Variants in SLC39A12 observed in about 807,000 individuals in gnomAD.
SLC39A12 encodes the protein zinc transporter ZIP12.
In SLC39A12, 63 loss-of-function variants were observed where a neutral mutation model predicts 71.1. The ratio of observed to expected loss-of-function variants is 0.89; its 90% CI spans 0.72 to 1.09. The LOEUF is 1.09. Ranked by LOEUF, SLC39A12 falls within the 50% of genes least tolerant of loss-of-function variation. SLC39A12 has a pLI of 0.00. For synonymous variants in SLC39A12, 351 were observed against 301.3 expected, an observed-to-expected ratio of 1.16 and a Z score of -1.71; for missense variants, 892 against 812.6, an observed-to-expected ratio of 1.10 and a Z score of -1.19.
intron 10 of SLC39A12, 42 bp downstream of exon 10, chr10:17,995,764 A>C: frequency 6.6e-7 from 1 of 1,526,144 alleles, no homozygotes; most frequent in Non-Finnish European, 9.0e-7. Flanking sequence ...AGTGCCATAG[A>C]AAAACAGTTA....
At chr10:18,036,792 ATAT>A (rs1246657059) in intron 12 of SLC39A12, among the ~76,000 whole-genome samples, 4 of 84,612 alleles carry the variant, frequency 4.7e-5, no homozygotes, top group Non-Finnish European at 8.6e-5. Flanking sequence ...ATATATATAT[ATAT>A]TTTTTTTTTT....
rs1414051035 is a variant in SLC39A12 at position 17,967,888 on chromosome 10, A to G, written c.751+2198A>G. On this transcript the variant is annotated intron_variant, in intron 4 of 12. Transcript: ENST00000377369. ...GGCGACAGAGCGAGACTCCGCCTCA[A>G]AAAAAAAAAAATATATATATATATA... Among the ~76,000 whole-genome samples, 19 of 75,550 alleles carry G rather than the reference A, an allele frequency of 2.5e-4. No homozygotes were observed. The East Asian group carries it at 5.2e-3, about 21-fold the overall frequency. The allele number at this position is 75,550 out of a possible 152,430, so 49.6% of individuals were successfully genotyped here.
rs116242516 is a variant in SLC39A12 at position 17,974,165 on chromosome 10, G to A, written c.752-3737G>A. ...TATCTGAGTTCTGAATTCCTTCTCT[G>A]TGTTATCTTAAATTTCACTGAGTTT... On this transcript the variant is annotated intron_variant, in intron 4 of 12. Coordinates refer to ENST00000377369, the MANE Select transcript of SLC39A12 (RefSeq NM_001145195.2). Among the ~76,000 whole-genome samples, 859 of 151,198 alleles carry A rather than the reference G, an allele frequency of 5.7e-3. 11 individuals are homozygous for A. Among genetic ancestry groups the A allele is most frequent in the African/African-American group, 0.02 (816 of 41,224 alleles).
intron 7 of SLC39A12, 116 bp downstream of exon 7, chr10:17,987,767 G>A (rs1835440300): frequency 9.3e-7 from 1 of 1,080,450 alleles, no homozygotes; most frequent in Non-Finnish European, 1.3e-6. Context: ...ATCGTGGCTG[G>A]TGTTTTCCTT....
chr10:18,007,472 C>T (rs1303066075), intron 12 of SLC39A12, among the ~76,000 whole-genome samples: 1 of 152,008 alleles, frequency 6.6e-6, no homozygotes, highest in Admixed American at 6.6e-5. Context: ...TAATCCAGAC[C>T]CCAAGAGAGG....
chr10:18,036,786 A>ATTTTTTTTTT (rs1407183255), intron 12 of SLC39A12, among the ~76,000 whole-genome samples: 7 of 9,460 alleles, frequency 7.4e-4, no homozygotes, highest in Non-Finnish European at 1.3e-3. Context: ...ATATATATAT[A>ATTTTTTTTTT]TATATATATT....
At chr10:17,958,515 G>A (rs1428817389) in intron 2 of SLC39A12, among the ~76,000 whole-genome samples, 1 of 152,126 alleles carries the variant, frequency 6.6e-6, no homozygotes, top group Non-Finnish European at 1.5e-5. Context: ...GGTCAAAGTG[G>A]TTGCCTAACA....
intron 4 of SLC39A12, among the ~76,000 whole-genome samples, chr10:17,966,588 G>T (rs1336526338): frequency 6.6e-6 from 1 of 151,994 alleles, no homozygotes; most frequent in Non-Finnish European, 1.5e-5. Context: ...TGGGACTATA[G>T]GAGTGTGCTA....
chr10:18,033,915 A>C (rs1330438069), intron 12 of SLC39A12, among the ~76,000 whole-genome samples: 2 of 151,602 alleles, frequency 1.3e-5, no homozygotes, highest in Non-Finnish European at 1.5e-5. Flanking sequence ...TGTACCCAGT[A>C]GTCATTCAGG....
intron 6 of SLC39A12, among the ~76,000 whole-genome samples, chr10:17,983,888 T>A (rs190866198): frequency 4.6e-5 from 7 of 152,320 alleles, no homozygotes. Context: ...CTTTGGAAAT[T>A]ATAGAAATAT....
chr10:18,001,400 G>A (rs1835830527), intron 11 of SLC39A12, among the ~76,000 whole-genome samples: 1 of 152,174 alleles, frequency 6.6e-6, no homozygotes, highest in African/African-American at 2.4e-5. Flanking sequence ...TGTAACCCCA[G>A]CTACTTGGGA....
At position 17,974,893 on chromosome 10, in the gene SLC39A12, C is replaced by G. The variant is rs960939719; in HGVS notation, c.752-3009C>G. 7.9e-5 allele frequency among the ~76,000 whole-genome samples: 12 copies of G among 152,220 alleles called. No homozygotes were observed. In the East Asian group the frequency reaches 2.3e-3, roughly 29 times the overall value. On this transcript the variant is annotated intron_variant, in intron 4 of 12. Transcript: ENST00000377369. ...CCCAGGCAGGTCCAGAGGTGCCATA[C>G]AGGAGCCAGGAACTAGAGTCAAAAC...
In SLC39A12 at chr10:17,993,274, G is replaced by C; in HGVS notation, c.1516G>C (p.Ala506Pro). 3 of 1,551,416 alleles carry C rather than the reference G, an allele frequency of 1.9e-6. No individual in the cohort carries two copies. Among genetic ancestry groups the C allele is most frequent in the Non-Finnish European group, 2.6e-6 (3 of 1,146,574 alleles). ...LSDQAGRGKSASTIQLKSPED... is the reference protein window; with the variant it reads ...LSDQAGRGKSPSTIQLKSPED... The stretch of plus-strand genomic sequence containing the variant: ...TGACCAGGCAGGCAGAGGCAAATCT[G>C]CTTCAACTATCCAGTTGGTAGGTTC... Residue 506 changes from alanine (A) to proline (P), a missense_variant, in exon 9 of 13, where the codon GCT becomes CCT. Coordinates refer to ENST00000377369, the MANE Select transcript of SLC39A12 (RefSeq NM_001145195.2).
At chr10:18,020,024 T>C (rs956008852) in intron 12 of SLC39A12, among the ~76,000 whole-genome samples, 1 of 152,054 alleles carries the variant, frequency 6.6e-6, no homozygotes, top group East Asian at 1.9e-4. Context: ...AAGGGATACA[T>C]GTGCAAGTAT....
rs192574375 is a variant in SLC39A12 at position 17,966,835 on chromosome 10, G to A, written c.751+1145G>A. Among the ~76,000 whole-genome samples, 147 of 151,896 alleles carry A rather than the reference G, an allele frequency of 9.7e-4. 1 individual carries two copies. Among genetic ancestry groups the A allele is most frequent in the East Asian group, 9.6e-3 (49 of 5,104 alleles). ...AAAATACAAAAAAAATTAGCCAGGC[G>A]TGGTGGCGTGTGCCTGTAGTCCCAG... On this transcript the variant is annotated intron_variant, in intron 4 of 12. Coordinates refer to ENST00000377369, the MANE Select transcript of SLC39A12 (RefSeq NM_001145195.2).
chr10:17,969,690 A>T (rs1834920927), intron 4 of SLC39A12, among the ~76,000 whole-genome samples: 2 of 152,118 alleles, frequency 1.3e-5, no homozygotes, highest in South Asian at 4.1e-4. Context: ...TCTGGTTATT[A>T]ATTCCTGGTG....
At chr10:17,974,685 G>A (rs1835061003) in intron 4 of SLC39A12, among the ~76,000 whole-genome samples, 2 of 152,120 alleles carry the variant, frequency 1.3e-5, no homozygotes, top group Non-Finnish European at 2.9e-5. Flanking sequence ...CACCACTGTG[G>A]CCACCACCAC....
intron 12 of SLC39A12, among the ~76,000 whole-genome samples, chr10:18,036,792 A>ATTTTTTTTTT (rs1176352939): frequency 2.4e-5 from 2 of 84,624 alleles, no homozygotes; most frequent in African/African-American, 9.6e-5. Context: ...ATATATATAT[A>ATTTTTTTTTT]TATTTTTTTT....
At chr10:18,000,628 C>G (rs768389325) in intron 10 of SLC39A12, 39 bp from the exon 11 acceptor site, 1 of 1,603,932 alleles carries the variant, frequency 6.2e-7, no homozygotes, top group South Asian at 1.1e-5. Flanking sequence ...ATATGTAGTG[C>G]TCTGTTAATG....
Sources: allele counts gnomAD v4.1 joint callset (sites outside exome capture counted in the v4.1 genomes callset), GRCh38; gene constraint gnomAD v4.1.1; transcripts MANE v1.5; gene names NCBI Gene and HGNC (gene_info 2026-07-23, HGNC 2026-07-21).